The following PUM1 variants were observed in gnomAD, a reference collection of about 807,000 sequenced individuals.
PUM1 encodes the protein pumilio RNA binding family member 1, also known as pumilio homolog 1.
In PUM1, 13 loss-of-function variants were observed where a neutral mutation model predicts 131.8. The observed-to-expected ratio is 0.10, with a 90% CI of 0.06 to 0.16. PUM1 has a LOEUF of 0.16. Ranked by LOEUF, PUM1 falls within the 10% of genes least tolerant of loss-of-function variation. The probability of loss-of-function intolerance (pLI) is 1.00; values close to 1 mark genes in which losing one functional copy is unlikely to be tolerated. For missense variants in PUM1, 961 were observed against 1,512.4 expected, an observed-to-expected ratio of 0.64 and a Z score of 6.05; for synonymous variants, 509 against 556.5, an observed-to-expected ratio of 0.91 and a Z score of 1.20.
At chr1:31,031,338 T>C (rs1643421597) in intron 2 of PUM1, among the ~76,000 whole-genome samples, 1 of 152,184 alleles carries the variant, frequency 6.6e-6, no homozygotes, top group Admixed American at 6.5e-5. Flanking sequence ...ATATTAAAAA[T>C]TCTATTTATA....
At chr1:31,048,084 C>A (rs528166718) in intron 2 of PUM1, among the ~76,000 whole-genome samples, 33 of 151,722 alleles carry the variant, frequency 2.2e-4, no homozygotes, top group Admixed American at 4.6e-4. Context: ...ACTAAAAATA[C>A]AAAAATTAGC....
chr1:30,994,955 T>G (rs954476949), intron 6 of PUM1, 99 bp downstream of exon 6: 2 of 1,266,994 alleles, frequency 1.6e-6, no homozygotes, highest in Non-Finnish European at 2.2e-6. Flanking sequence ...AAAGAAAACA[T>G]GAAGAGGGGA....
chr1:31,002,289 G>A (rs1226634577), intron 5 of PUM1, among the ~76,000 whole-genome samples: 6 of 152,166 alleles, frequency 3.9e-5, no homozygotes, highest in Non-Finnish European at 8.8e-5. Context: ...TACTACGAAT[G>A]TGTATACATC....
intron 2 of PUM1, among the ~76,000 whole-genome samples, chr1:31,044,036 G>A (rs1215041514): frequency 2.0e-5 from 3 of 151,640 alleles, no homozygotes; most frequent in Non-Finnish European, 4.4e-5. Context: ...CAAAAAAGAA[G>A]AAAAAAAGGC....
At chr1:30,989,862 C>T (rs929932784) in intron 7 of PUM1, among the ~76,000 whole-genome samples, 2 of 152,164 alleles carry the variant, frequency 1.3e-5, no homozygotes, top group Non-Finnish European at 2.9e-5. Flanking sequence ...ATCTGTAGAA[C>T]ACAAATCTGT....
chr1:31,023,100 G>A (rs764898816), intron 3 of PUM1, among the ~76,000 whole-genome samples: 10 of 151,978 alleles, frequency 6.6e-5, no homozygotes, highest in Non-Finnish European at 1.3e-4. Flanking sequence ...CTTGAACCCA[G>A]GAGGTTGAGG....
intron 3 of PUM1, among the ~76,000 whole-genome samples, chr1:31,026,850 GGAA>G (rs1407391820): frequency 6.6e-6 from 1 of 151,202 alleles, no homozygotes; most frequent in Non-Finnish European, 1.5e-5. Flanking sequence ...AGTGGGGAAA[GGAA>G]GAAGAATGAC....
At chr1:30,968,132 T>G (rs1413326322) in intron 11 of PUM1, 1 of 728,650 alleles carries the variant, frequency 1.4e-6, no homozygotes, top group Non-Finnish European at 2.5e-6. Context: ...CCAAGCTGCA[T>G]GGACATTTAG....
At chr1:31,023,924 C>CA (rs11373685) in intron 3 of PUM1, among the ~76,000 whole-genome samples, 35,745 of 81,374 alleles carry the variant, frequency 0.44, 7,259 homozygotes, top group East Asian at 0.76. Context: ...GACTCTGTCT[C>CA]AAAAAAAAAA....
At chr1:30,972,770 C>CA (rs1449139726) in intron 10 of PUM1, among the ~76,000 whole-genome samples, 50 of 142,872 alleles carry the variant, frequency 3.5e-4, no homozygotes, top group Middle Eastern at 4.2e-3. Flanking sequence ...GACTCCATCT[C>CA]AAAAAAAACA....
At chr1:30,958,575 G>A (rs888084914) in intron 14 of PUM1, among the ~76,000 whole-genome samples, 2 of 152,134 alleles carry the variant, frequency 1.3e-5, no homozygotes, top group Admixed American at 6.6e-5. Context: ...GAAAGGGCGG[G>A]GGAGTAGGAT....
At chr1:31,033,046 AT>A (rs1643486026) in intron 2 of PUM1, among the ~76,000 whole-genome samples, 3 of 149,994 alleles carry the variant, frequency 2.0e-5, no homozygotes, top group Non-Finnish European at 3.0e-5. Context: ...CTAAAAAAAA[AT>A]ACAAAAAAAG....
In PUM1 at chr1:30,942,212, T is replaced by C. The variant is rs1157231370; in HGVS notation, c.2995-89A>G. The C allele has an allele frequency of 4.8e-5, 8 of 166,560 alleles. 2 individuals are homozygous for C. The highest frequency in any genetic ancestry group is 2.1e-4 in the African/African-American group (6 of 28,878). The allele number at this position is 166,560 out of a possible 1,614,324, so 10.3% of individuals were successfully genotyped here. On this transcript the variant is annotated intron_variant, in intron 18 of 21. Transcript: ENST00000426105. ...TTGTTTATATATATATATATATATA[T>C]ATATATATATATATATATATATATG...
At chr1:31,046,235 A>G (rs188856352) in intron 2 of PUM1, among the ~76,000 whole-genome samples, 80 of 150,676 alleles carry the variant, frequency 5.3e-4, no homozygotes, top group African/African-American at 1.9e-3. Flanking sequence ...AAAAATACAA[A>G]ATTAGCTGGG....
intron 2 of PUM1, among the ~76,000 whole-genome samples, chr1:31,038,058 A>C (rs1643672741): frequency 6.6e-6 from 1 of 151,784 alleles, no homozygotes; most frequent in Admixed American, 6.6e-5. Context: ...CAGCCTCGGA[A>C]ATAGAGTGAG....
chr1:30,933,757 C>A (rs1639078808), intron 21 of PUM1, among the ~76,000 whole-genome samples: 1 of 152,252 alleles, frequency 6.6e-6, no homozygotes, highest in Non-Finnish European at 1.5e-5. Flanking sequence ...GGCATCCAGG[C>A]TCTCCTGAGC....
At chr1:31,049,364 A>T (rs1276689594) in intron 2 of PUM1, among the ~76,000 whole-genome samples, 1 of 152,096 alleles carries the variant, frequency 6.6e-6, no homozygotes, top group Non-Finnish European at 1.5e-5. Flanking sequence ...AAAAACAGAA[A>T]AAGTAGCCGG....
chr1:31,050,098 T>C (rs931966468), intron 2 of PUM1, among the ~76,000 whole-genome samples: 8 of 152,128 alleles, frequency 5.3e-5, no homozygotes, highest in African/African-American at 1.9e-4. Context: ...CCCAAAGTGC[T>C]GGGATTACAG....
intron 14 of PUM1, among the ~76,000 whole-genome samples, chr1:30,959,497 G>C (rs952259155): frequency 6.6e-6 from 1 of 152,030 alleles, no homozygotes; most frequent in Non-Finnish European, 1.5e-5. Flanking sequence ...AAAGCCACAT[G>C]ATGGTCAGTT....
Sources: allele counts gnomAD v4.1 joint callset (sites outside exome capture counted in the v4.1 genomes callset), GRCh38; gene constraint gnomAD v4.1.1; transcripts MANE v1.5; gene names NCBI Gene and HGNC (gene_info 2026-07-23, HGNC 2026-07-21).